The following AKAP6 variants were observed in gnomAD, a reference collection of about 807,000 sequenced individuals.
AKAP6 encodes the protein A-kinase anchor protein 6.
Under a neutral mutation model 188.5 loss-of-function variants are expected in AKAP6, and 58 were observed. The ratio of observed to expected loss-of-function variants is 0.31; its 90% CI spans 0.25 to 0.38. The LOEUF (loss-of-function observed/expected upper bound fraction) is 0.38. Among genes scored for constraint, AKAP6 ranks in the 10% least tolerant of loss-of-function variants. The pLI is 1.00. For missense variants in AKAP6, 2,710 were observed against 2,740.0 expected (o/e 0.99, Z 0.24); for synonymous variants, 989 against 998.6 (o/e 0.99, Z 0.18).
At chr14:32,424,306 T>G (rs1889956878) in intron 1 of AKAP6, among the ~76,000 whole-genome samples, 1 of 152,048 alleles carries the variant, frequency 6.6e-6, no homozygotes, top group African/African-American at 2.4e-5. Context: ...ACCTTGTAGC[T>G]TAATCTGTTT....
chr14:32,562,833 A>G (rs1884012914), intron 4 of AKAP6, among the ~76,000 whole-genome samples: 1 of 152,156 alleles, frequency 6.6e-6, no homozygotes, highest in African/African-American at 2.4e-5. Flanking sequence ...AATCACATTC[A>G]CCTCACAAAG....
chr14:32,708,871 C>G (rs762169296), intron 9 of AKAP6, among the ~76,000 whole-genome samples: 3 of 151,950 alleles, frequency 2.0e-5, no homozygotes, highest in Non-Finnish European at 4.4e-5. Flanking sequence ...GCATGATAAA[C>G]ATTCCTGTCT....
chr14:32,805,227 G>A (rs2034058473), intron 12 of AKAP6, among the ~76,000 whole-genome samples: 1 of 152,132 alleles, frequency 6.6e-6, no homozygotes, highest in African/African-American at 2.4e-5. Flanking sequence ...GCTCCTGCCT[G>A]GTCCCTCTGT....
intron 11 of AKAP6, among the ~76,000 whole-genome samples, chr14:32,750,493 A>G (rs993661599): frequency 2.0e-5 from 3 of 152,024 alleles, no homozygotes; most frequent in Non-Finnish European, 4.4e-5. Context: ...AGACCAAAGC[A>G]GTAGGATCAC....
intron 1 of AKAP6, chr14:32,402,258 A>T (rs1029103063): frequency 1.3e-5 from 2 of 152,342 alleles, no homozygotes; most frequent in African/African-American, 2.4e-5. Flanking sequence ...CAGTTGTGTG[A>T]TATCTTTTCA....
chr14:32,828,649 C>T (rs1171476256), intron 13 of AKAP6, among the ~76,000 whole-genome samples: 2 of 151,986 alleles, frequency 1.3e-5, no homozygotes, highest in Non-Finnish European at 2.9e-5. Context: ...AATTGATTAC[C>T]TAGAGAGAAT....
intron 11 of AKAP6, among the ~76,000 whole-genome samples, chr14:32,752,096 TA>T (rs1212133263): frequency 6.6e-6 from 1 of 152,204 alleles, no homozygotes; most frequent in Non-Finnish European, 1.5e-5. Context: ...AAATATTATA[TA>T]AATGGCTCCC....
intron 11 of AKAP6, among the ~76,000 whole-genome samples, chr14:32,743,051 T>C (rs2031746773): frequency 2.0e-5 from 3 of 152,134 alleles, no homozygotes; most frequent in Admixed American, 6.6e-5. Context: ...CTGGGTACTC[T>C]AGTATTGAGT....
At chr14:32,426,804 G>A (rs1344987472) in intron 1 of AKAP6, among the ~76,000 whole-genome samples, 1 of 152,174 alleles carries the variant, frequency 6.6e-6, no homozygotes, top group Non-Finnish European at 1.5e-5. Flanking sequence ...ATGACTATCT[G>A]AGTCAATCTG....
At chr14:32,658,791 A>C (rs1888562332) in intron 7 of AKAP6, among the ~76,000 whole-genome samples, 1 of 151,804 alleles carries the variant, frequency 6.6e-6, no homozygotes, top group African/African-American at 2.4e-5. Flanking sequence ...AAAAAAAAAA[A>C]AAAAGCCTAA....
chr14:32,548,909 T>C (rs904518372), intron 4 of AKAP6, among the ~76,000 whole-genome samples: 2 of 152,150 alleles, frequency 1.3e-5, no homozygotes, highest in African/African-American at 4.8e-5. Flanking sequence ...TTTGTTCTGT[T>C]TTTTGTTTTT....
At chr14:32,721,734 C>T (rs1055905939) in intron 9 of AKAP6, among the ~76,000 whole-genome samples, 3 of 152,150 alleles carry the variant, frequency 2.0e-5, no homozygotes, top group East Asian at 1.9e-4. Flanking sequence ...CTTGTTCTAG[C>T]GAGTGACAGC....
chr14:32,411,536 A>G, intron 1 of AKAP6, among the ~76,000 whole-genome samples: 1 of 152,076 alleles, frequency 6.6e-6, no homozygotes, highest in East Asian at 1.9e-4. Flanking sequence ...AAGAGAGGGA[A>G]TCTGGGGTTT....
intron 1 of AKAP6, among the ~76,000 whole-genome samples, chr14:32,350,737 CAA>C (rs1887236909): frequency 6.6e-6 from 1 of 151,516 alleles, no homozygotes; most frequent in South Asian, 2.1e-4. Flanking sequence ...AAAATTATAA[CAA>C]AATAAAAAAT....
At chr14:32,696,233 C>T (rs905268100) in intron 9 of AKAP6, 123 bp downstream of exon 9, 2 of 1,248,638 alleles carry the variant, frequency 1.6e-6, no homozygotes, top group South Asian at 2.0e-5. Flanking sequence ...ATTAGAATTC[C>T]CTTCCCTGTC....
intron 7 of AKAP6, among the ~76,000 whole-genome samples, chr14:32,608,322 A>G (rs1372048947): frequency 6.6e-6 from 1 of 151,566 alleles, no homozygotes; most frequent in Non-Finnish European, 1.5e-5. Flanking sequence ...AATATGGTGA[A>G]ACCCCCTCTC....
intron 7 of AKAP6, among the ~76,000 whole-genome samples, chr14:32,674,000 G>T (rs181043405): frequency 2.7e-4 from 41 of 152,240 alleles, no homozygotes; most frequent in Non-Finnish European, 4.6e-4. Flanking sequence ...AAATAGAGTG[G>T]ATCTACTTTT....
chr14:32,618,867 T>C (rs1244789180), intron 7 of AKAP6, among the ~76,000 whole-genome samples: 1 of 152,222 alleles, frequency 6.6e-6, no homozygotes, highest in African/African-American at 2.4e-5. Context: ...TATTGTTTTT[T>C]GACCTTTTAA....
intron 7 of AKAP6, among the ~76,000 whole-genome samples, chr14:32,656,345 A>T (rs1888453388): frequency 1.3e-5 from 2 of 152,180 alleles, no homozygotes; most frequent in African/African-American, 4.8e-5. Flanking sequence ...TCTACAAAGA[A>T]GTTATGAGAT....
Sources: gnomAD v4.1 joint callset for allele counts (sites outside exome capture counted in the v4.1 genomes callset) on GRCh38, gnomAD v4.1.1 for gene constraint, MANE v1.5 for transcripts, NCBI Gene and HGNC (gene_info 2026-07-23, HGNC 2026-07-21) for gene names.